CEP350: variants seen among roughly 807,000 people sequenced by gnomAD.
CEP350 encodes centrosome-associated protein 350.
A neutral mutation model predicts 331.8 loss-of-function variants in CEP350; 126 were observed. The observed-to-expected ratio is 0.38, with a 90% confidence interval of 0.33 to 0.44. The LOEUF (loss-of-function observed/expected upper bound fraction) is 0.44, where lower values mean the gene tolerates loss of function less well. Among genes scored for constraint, CEP350 ranks in the 20% least tolerant of loss-of-function variants. The probability of loss-of-function intolerance (pLI) is 1.00; values close to 1 mark genes in which losing one functional copy is unlikely to be tolerated. For missense variants in CEP350, 3,406 were observed against 3,634.6 expected (o/e 0.94, Z 1.62); for synonymous variants, 1,200 against 1,259.5 (o/e 0.95, Z 1.00).
intron 3 of CEP350, 124 bp downstream of exon 3, chr1:179,987,410 T>C (rs1188212905): frequency 1.3e-5 from 3 of 227,136 alleles, no homozygotes; most frequent in African/African-American, 7.1e-5. Context: ...AGAATAATAC[T>C]ATATATTATT....
intron 6 of CEP350, among the ~76,000 whole-genome samples, chr1:179,997,543 CAAA>C (rs1219449623): frequency 1.1e-4 from 9 of 81,184 alleles, no homozygotes; most frequent in Non-Finnish European, 1.5e-4. Context: ...GACTCGGTCT[CAAA>C]AAAAAAAAAA....
intron 25 of CEP350, 100 bp from the exon 26 acceptor site, chr1:180,062,120 T>A: frequency 9.5e-7 from 1 of 1,054,070 alleles, no homozygotes; most frequent in East Asian, 3.2e-5. Flanking sequence ...AAATACTATA[T>A]GTATTTATTT....
Position 180,084,089 on chromosome 1 carries a change from T to C in CEP350, c.6196T>C (p.Ser2066Pro), listed in dbSNP as rs373513314. Residue 2066 changes from serine to proline, a missense_variant, in exon 31 of 38, where the codon TCA becomes CCA. Physicochemically the swap from Ser to Pro is moderately conservative, Grantham distance 74. Coordinates refer to ENST00000367607, the MANE Select transcript of CEP350 (RefSeq NM_014810.5). ...ALKDELRKRK[S>P]VVNQLKKEQK... is the part of the protein sequence containing the mutation. ...GAAGGATGAGTTGCGGAAAAGAAAA[T>C]CAGTTGTGAACCAGCTGAAGAAGGA... 7.9e-5 allele frequency: 127 copies of C among 1,598,824 alleles called. No individual in the cohort carries two copies. The highest frequency in any genetic ancestry group is 1.0e-4 in the Non-Finnish European group (119 of 1,172,282).
intron 8 of CEP350, 38 bp downstream of exon 8, chr1:180,006,605 T>A: frequency 9.9e-7 from 1 of 1,009,340 alleles, no homozygotes. Context: ...TTTTTTTGTT[T>A]TTAATTAATG....
intron 26 of CEP350, among the ~76,000 whole-genome samples, chr1:180,064,770 T>C (rs903470011): frequency 1.3e-5 from 2 of 152,112 alleles, no homozygotes; most frequent in Non-Finnish European, 2.9e-5. Context: ...TTTATTCCTT[T>C]TGAGTGGTCC....
At chr1:179,965,298 A>G (rs1650920629) in intron 1 of CEP350, among the ~76,000 whole-genome samples, 1 of 151,992 alleles carries the variant, frequency 6.6e-6, no homozygotes, top group African/African-American at 2.4e-5. Context: ...ATGTATTGAG[A>G]CTTGCTTTAT....
intron 14 of CEP350, among the ~76,000 whole-genome samples, chr1:180,025,415 T>C (rs1170896117): frequency 5.3e-5 from 8 of 152,162 alleles, no homozygotes; most frequent in African/African-American, 7.2e-5. Context: ...AGCTGACTCA[T>C]TGGCATTCAG....
chr1:180,044,049 A>G lies in CEP350; in HGVS notation c.4500-2A>G, dbSNP rs894361593. 2.0e-6 allele frequency: 3 copies of G among 1,523,434 alleles called. No individual in the cohort carries two copies. In the African/African-American group the frequency reaches 4.2e-5, roughly 21 times the overall value. 94.4% of individuals were successfully genotyped at this position (1,523,434 alleles called of 1,614,324 possible). ...TTTAATCAGTTTTTATTTTATTTGT[A>G]GGAAAAGTCCATCTGTTTCACTCTC... On this transcript the variant is annotated splice_acceptor_variant, in intron 20 of 37. Transcript: ENST00000367607. LOFTEE classifies it high-confidence loss of function.
chr1:179,966,280 G>A (rs510209), intron 1 of CEP350, among the ~76,000 whole-genome samples: 86,403 of 151,920 alleles, frequency 0.57, 26,400 homozygotes, highest in East Asian at 0.71. Flanking sequence ...ACACCAACAG[G>A]CATCCCTAGA....
intron 14 of CEP350, among the ~76,000 whole-genome samples, chr1:180,025,627 T>C (rs531679125): frequency 1.6e-4 from 24 of 152,306 alleles, no homozygotes; most frequent in African/African-American, 5.5e-4. Flanking sequence ...AAGCTGTCAT[T>C]CTCAGCAGAC....
At chr1:179,984,212 A>G (rs1380043852) in intron 1 of CEP350, among the ~76,000 whole-genome samples, 2 of 152,242 alleles carry the variant, frequency 1.3e-5, no homozygotes, top group Non-Finnish European at 2.9e-5. Flanking sequence ...TGTATTGGTT[A>G]TCTCTTGTTG....
chr1:180,085,387 T>G (rs1485176541), intron 31 of CEP350, among the ~76,000 whole-genome samples: 1 of 152,160 alleles, frequency 6.6e-6, no homozygotes, highest in Non-Finnish European at 1.5e-5. Context: ...GTTTGTCCCT[T>G]TCCATTCCTA....
intron 37 of CEP350, among the ~76,000 whole-genome samples, chr1:180,106,063 T>C (rs1661123404): frequency 6.6e-6 from 1 of 152,252 alleles, no homozygotes; most frequent in African/African-American, 2.4e-5. Flanking sequence ...ATTTGAGCTA[T>C]TTTTAGCAGT....
intron 35 of CEP350, 32 bp from the exon 36 acceptor site, chr1:180,096,006 T>C (rs1660461704): frequency 6.5e-7 from 1 of 1,533,830 alleles, no homozygotes; most frequent in South Asian, 1.2e-5. Flanking sequence ...TTAGCCATTT[T>C]GTTTTGTTTT....
chr1:180,065,983 A>G (rs1191134251), intron 27 of CEP350, among the ~76,000 whole-genome samples: 1 of 152,162 alleles, frequency 6.6e-6, no homozygotes, highest in Non-Finnish European at 1.5e-5. Context: ...ATTCAAATAG[A>G]TGAAATTTTA....
intron 1 of CEP350, among the ~76,000 whole-genome samples, chr1:179,973,078 A>T (rs1387378222): frequency 6.6e-6 from 1 of 151,976 alleles, no homozygotes; most frequent in Non-Finnish European, 1.5e-5. Flanking sequence ...CATGTTAGCC[A>T]GGATGGTCTT....
At position 180,043,091 on chromosome 1, in the gene CEP350, T is replaced by G. The variant is rs1656873843; in HGVS notation, c.4398T>G (p.Ala1466=). Reference sequence around the variant, plus strand: ...TGACTAGAACTCATATCTCAGATGCTGTCGTGGCTTCAGGAGCTCCCCTTG... The same window carrying G: ...TGACTAGAACTCATATCTCAGATGCGGTCGTGGCTTCAGGAGCTCCCCTTG... ...AELTRTHISD[A]VVASGAPLAI... Residue 1466 remains alanine, a synonymous_variant, in exon 20 of 38, where the codon GCT becomes GCG. Transcript: ENST00000367607. The G allele has an allele frequency of 1.2e-6, 2 of 1,613,776 alleles. No individual in the cohort carries two copies. Among genetic ancestry groups the G allele is most frequent in the East Asian group, 2.2e-5 (1 of 44,860 alleles).
At chr1:180,101,120 TG>T (rs1660779617) in intron 37 of CEP350, among the ~76,000 whole-genome samples, 1 of 152,154 alleles carries the variant, frequency 6.6e-6, no homozygotes. Context: ...ATAGCTTGGG[TG>T]AGGGGAGTAC....
In CEP350 at chr1:180,080,536, C is replaced by T. The variant is rs1571969901; in HGVS notation, c.5999C>T (p.Thr2000Ile). Residue 2000 changes from threonine to isoleucine, a missense_variant, in exon 30 of 38, where the codon ACA becomes ATA. Around this residue, in one of 5 missense-constraint regions of CEP350, gnomAD observed 1,415 missense variants for 1,512.3 expected, o/e 0.94. Transcript: ENST00000367607. ...PSKHSLPKSCTSVSKQESSKG... is the reference protein window; with the variant it reads ...PSKHSLPKSCISVSKQESSKG... ...GAACAGTCACTTCCCAAAAGCTGCA[C>T]ATCTGTGTCAAAGCAGGAGTCTAGC... The T allele has an allele frequency of 1.9e-6, 3 of 1,613,626 alleles. No individual in the cohort carries two copies. Among genetic ancestry groups the T allele is most frequent in the Non-Finnish European group, 2.5e-6 (3 of 1,179,646 alleles).
Sources: allele counts gnomAD v4.1 joint callset (sites outside exome capture counted in the v4.1 genomes callset), GRCh38; gene constraint gnomAD v4.1.1; regional missense constraint gnomAD v4.1.1; transcripts MANE v1.5; gene names NCBI Gene and HGNC (gene_info 2026-07-23, HGNC 2026-07-21).